Variants in AFF1 observed in about 807,000 individuals in gnomAD.
AFF1 encodes the protein ALF transcription elongation factor 1, also known as AF4/FMR2 family member 1.
AFF1 carries 48 observed loss-of-function variants against 121.7 expected under a neutral mutation model. The observed-to-expected ratio is 0.39, with a 90% CI of 0.31 to 0.50. The LOEUF is 0.50. Among genes scored for constraint, AFF1 ranks in the 20% least tolerant of loss-of-function variants. AFF1 has a pLI of 0.76. For missense variants in AFF1, 1,523 were observed against 1,511.7 expected (o/e 1.01, Z -0.12); for synonymous variants, 613 against 563.0 (o/e 1.09, Z -1.26).
At chr4:87,035,027 T>A (rs1049152542) in intron 2 of AFF1, among the ~76,000 whole-genome samples, 7 of 152,112 alleles carry the variant, frequency 4.6e-5, no homozygotes, top group African/African-American at 1.7e-4. Flanking sequence ...TAGGCACACA[T>A]ATATAAAGTC....
chr4:87,002,924 C>T (rs1267979732), intron 2 of AFF1, among the ~76,000 whole-genome samples: 2 of 152,152 alleles, frequency 1.3e-5, no homozygotes, highest in African/African-American at 4.8e-5. Context: ...TTCTTTGCCC[C>T]TCAAAGGTTA....
rs1408686547 is a variant in AFF1, at chr4:87,090,053, T to G, written c.1174T>G (p.Phe392Val). 1.9e-6 allele frequency: 3 copies of G among 1,613,740 alleles called. No homozygotes were observed. Among genetic ancestry groups the G allele is most frequent in the African/African-American group, 1.3e-5 (1 of 74,910 alleles). The change falls in exon 6 of 21, where the codon TTT (phenylalanine) becomes GTT (valine). Residue 392 changes from phenylalanine to valine, a missense_variant. By Grantham distance (50) the Phe-to-Val change is conservative. Around this residue, in one of 5 missense-constraint regions of AFF1, gnomAD observed 905 missense variants for 842.5 expected, o/e 1.07. Transcript: ENST00000395146. ...HTPSTAEPSK[F>V]PFPTKDSQHV... Reference sequence around the variant, plus strand: ...GCCTAGTACAGCTGAGCCATCCAAGTTTCCTTTCCCTACAAAGGTAATTCC... The same window carrying G: ...GCCTAGTACAGCTGAGCCATCCAAGGTTCCTTTCCCTACAAAGGTAATTCC...
chr4:87,125,468 G>C (rs918379057), intron 13 of AFF1, among the ~76,000 whole-genome samples: 4 of 152,054 alleles, frequency 2.6e-5, no homozygotes, highest in African/African-American at 9.7e-5. Context: ...CAAACACACA[G>C]AGAAAATGAC....
intron 2 of AFF1, among the ~76,000 whole-genome samples, chr4:87,012,267 GT>G (rs34581443): frequency 0.93 from 133,986 of 143,764 alleles, 62,860 homozygotes; most frequent in Non-Finnish European, 0.98. Context: ...TAGAGATGGG[GT>G]TTTCAACATC....
chr4:86,936,310 T>A (rs1317068992), intron 1 of AFF1: 1 of 152,192 alleles, frequency 6.6e-6, no homozygotes. Context: ...TTTAAAACCT[T>A]CAGTGCAAAC....
rs1222590039 is a variant in AFF1, at chr4:86,989,413, C to A, written c.38+40842C>A. Among the ~76,000 whole-genome samples the A allele has an allele frequency of 3.3e-5, 5 of 152,176 alleles. No individual in the cohort carries two copies. The South Asian group carries it at 6.2e-4, about 19-fold the overall frequency. The stretch of plus-strand genomic sequence containing the variant: ...CAAAAGAAGACATTTATGCGGCCAA[C>A]AAACATGAAAAGCAGCTCATCATCA... On this transcript the variant is annotated intron_variant, in intron 2 of 20. Coordinates refer to ENST00000395146, the MANE Select transcript of AFF1 (RefSeq NM_001166693.3).
intron 4 of AFF1, among the ~76,000 whole-genome samples, chr4:87,068,208 A>G (rs1721577956): frequency 1.4e-5 from 2 of 140,150 alleles, no homozygotes; most frequent in African/African-American, 5.2e-5. Context: ...GCACGTGTGT[A>G]TTGTTATTTT....
intron 2 of AFF1, among the ~76,000 whole-genome samples, chr4:87,027,551 T>C: frequency 6.6e-6 from 1 of 152,196 alleles, no homozygotes; most frequent in East Asian, 1.9e-4. Flanking sequence ...GGAGAGTCTG[T>C]TGGAAAAATG....
intron 4 of AFF1, among the ~76,000 whole-genome samples, chr4:87,057,354 G>A (rs1455891798): frequency 6.6e-6 from 1 of 152,264 alleles, no homozygotes; most frequent in East Asian, 1.9e-4. Flanking sequence ...AATAAAAGGC[G>A]GAGAATTATT....
intron 2 of AFF1, among the ~76,000 whole-genome samples, chr4:86,984,359 G>C (rs903405307): frequency 3.3e-5 from 4 of 122,580 alleles, no homozygotes; most frequent in African/African-American, 1.3e-4. Flanking sequence ...ACTGAGTCTT[G>C]CTCTGTTGCC....
At chr4:87,115,624 T>TTTTTTTTTTTC (rs1296528780) in intron 12 of AFF1, among the ~76,000 whole-genome samples, 1 of 138,794 alleles carries the variant, frequency 7.2e-6, no homozygotes, top group Non-Finnish European at 1.6e-5. Flanking sequence ...TTTTTTTTTT[T>TTTTTTTTTTTC]TCCAAAGACA....
chr4:87,094,798 A>T (rs1206964710), intron 7 of AFF1, 117 bp from the exon 8 acceptor site: 2 of 901,446 alleles, frequency 2.2e-6, no homozygotes, highest in Admixed American at 2.2e-5. Context: ...TAATGCTAAG[A>T]TTGTACCAAG....
chr4:87,063,607 C>T (rs1052826751), intron 4 of AFF1, among the ~76,000 whole-genome samples: 1 of 152,032 alleles, frequency 6.6e-6, no homozygotes, highest in Non-Finnish European at 1.5e-5. Context: ...AATATTATGG[C>T]TTTAAGAAAA....
At chr4:87,127,615 C>A (rs1560658221) in intron 15 of AFF1, 28 bp from the exon 16 acceptor site, 4 of 1,613,714 alleles carry the variant, frequency 2.5e-6, no homozygotes, top group Non-Finnish European at 8.5e-7. Flanking sequence ...GCTCATATGA[C>A]CTGTCCCTGG....
intron 2 of AFF1, among the ~76,000 whole-genome samples, chr4:86,964,565 G>T (rs910446744): frequency 6.6e-6 from 1 of 151,662 alleles, no homozygotes; most frequent in Admixed American, 6.6e-5. Flanking sequence ...CTCCTGAGTA[G>T]CTGGGGTTAC....
In AFF1 at chr4:87,139,754, C is replaced by T. The variant is rs1729574155; in HGVS notation, c.*4053C>T. On this transcript the variant is annotated 3_prime_UTR_variant, in exon 21 of 21. Coordinates refer to ENST00000395146, the MANE Select transcript of AFF1 (RefSeq NM_001166693.3). Reference sequence around the variant, plus strand: ...AGGAGGTGTAACGGCAGAATAGCATCGTGTTGGGGGTTTTCCTTCAAACAC... The same window carrying T: ...AGGAGGTGTAACGGCAGAATAGCATTGTGTTGGGGGTTTTCCTTCAAACAC... 1 of 226,194 alleles carries T rather than the reference C, an allele frequency of 4.4e-6. No individual in the cohort carries two copies. Among genetic ancestry groups the T allele is most frequent in the African/African-American group, 2.2e-5 (1 of 44,828 alleles). 14.0% of individuals were successfully genotyped at this position (226,194 alleles called of 1,614,324 possible).
At chr4:86,984,980 G>A (rs534353711) in intron 2 of AFF1, among the ~76,000 whole-genome samples, 24 of 150,824 alleles carry the variant, frequency 1.6e-4, no homozygotes, top group Non-Finnish European at 2.4e-4. Context: ...GTTTAGTAAT[G>A]GTATTGGTAT....
At chr4:87,078,132 T>A (rs1722851196) in intron 4 of AFF1, among the ~76,000 whole-genome samples, 1 of 152,218 alleles carries the variant, frequency 6.6e-6, no homozygotes, top group Non-Finnish European at 1.5e-5. Flanking sequence ...AGATGGAGTA[T>A]TGTTAATCTT....
chr4:87,017,625 C>T (rs1177142414), intron 2 of AFF1, among the ~76,000 whole-genome samples: 1 of 151,926 alleles, frequency 6.6e-6, no homozygotes, highest in African/African-American at 2.4e-5. Context: ...GCAAAATGGC[C>T]CTATAAATTG....
Sources: allele counts gnomAD v4.1 joint callset (sites outside exome capture counted in the v4.1 genomes callset), GRCh38; gene constraint gnomAD v4.1.1; regional missense constraint gnomAD v4.1.1; transcripts MANE v1.5; gene names NCBI Gene and HGNC (gene_info 2026-07-23, HGNC 2026-07-21).